Variants in RBPMS observed in about 807,000 individuals in gnomAD.
RBPMS encodes RNA binding protein, mRNA processing factor, also known as RNA-binding protein with multiple splicing.
Under a neutral mutation model 26.8 loss-of-function variants are expected in RBPMS, and 7 were observed. That is an observed-to-expected ratio of 0.26 (90% CI 0.15 to 0.49). The LOEUF (loss-of-function observed/expected upper bound fraction) is 0.49. Among genes scored for constraint, RBPMS ranks in the 20% least tolerant of loss-of-function variants. RBPMS has a pLI of 0.98. For missense variants in RBPMS, 186 were observed against 250.0 expected (o/e 0.74, Z 1.73); for synonymous variants, 96 against 93.3 (o/e 1.03, Z -0.17).
intron 1 of RBPMS, among the ~76,000 whole-genome samples, chr8:30,438,273 A>G (rs1812694434): frequency 6.6e-6 from 1 of 152,150 alleles, no homozygotes; most frequent in Admixed American, 6.5e-5. Flanking sequence ...TTTACTTTCC[A>G]TGTTTTAGGT....
intron 1 of RBPMS, among the ~76,000 whole-genome samples, chr8:30,435,704 A>G (rs1323116466): frequency 6.6e-6 from 1 of 152,192 alleles, no homozygotes; most frequent in Non-Finnish European, 1.5e-5. Context: ...GGATGGGTCA[A>G]TGGAGTGATG....
intron 1 of RBPMS, among the ~76,000 whole-genome samples, chr8:30,443,618 A>G (rs1813383604): frequency 2.6e-5 from 4 of 151,944 alleles, no homozygotes. Context: ...TTTTTAAGAC[A>G]AAGTCTCGCT....
intron 1 of RBPMS, among the ~76,000 whole-genome samples, chr8:30,467,949 A>G (rs549586342): frequency 6.6e-6 from 1 of 152,208 alleles, no homozygotes; most frequent in South Asian, 2.1e-4. Flanking sequence ...CTCCACTATT[A>G]ACATATAGAT....
intron 1 of RBPMS, among the ~76,000 whole-genome samples, chr8:30,447,693 C>T (rs112676057): frequency 6.6e-6 from 1 of 152,008 alleles, no homozygotes; most frequent in African/African-American, 2.4e-5. Context: ...AGAAAGTAAA[C>T]GTCTATTCAA....
chr8:30,510,887 A>G (rs1006658672), intron 5 of RBPMS, among the ~76,000 whole-genome samples: 2 of 152,024 alleles, frequency 1.3e-5, no homozygotes, highest in African/African-American at 4.8e-5. Context: ...GAAGTAGCCC[A>G]TGGGTGCTGA....
chr8:30,544,424 G>A, intron 5 of RBPMS, 70 bp from the exon 6 acceptor site: 1 of 1,456,636 alleles, frequency 6.9e-7, no homozygotes, highest in Non-Finnish European at 9.6e-7. Flanking sequence ...GGGTTGTTGG[G>A]TGTTTTGTTT....
At chr8:30,470,422 A>G (rs754780137) in intron 1 of RBPMS, among the ~76,000 whole-genome samples, 2 of 152,090 alleles carry the variant, frequency 1.3e-5, no homozygotes, top group Non-Finnish European at 2.9e-5. Flanking sequence ...CAGTCACCAT[A>G]GAAAAGCATG....
intron 1 of RBPMS, among the ~76,000 whole-genome samples, chr8:30,450,787 C>CAAAGAAAAAA (rs1814480331): frequency 1.1e-5 from 1 of 87,384 alleles, no homozygotes; most frequent in African/African-American, 4.4e-5. Context: ...TGCCTGAAAG[C>CAAAGAAAAAA]AAAAAAAAAA....
intron 6 of RBPMS, chr8:30,556,111 C>G (rs574090522): frequency 1.1e-5 from 11 of 985,390 alleles, no homozygotes; most frequent in African/African-American, 1.0e-4. Context: ...AAGAGCCCCC[C>G]ACTTGGCAAG....
intron 1 of RBPMS, among the ~76,000 whole-genome samples, chr8:30,413,333 A>G (rs1809671131): frequency 6.6e-6 from 1 of 152,114 alleles, no homozygotes; most frequent in Non-Finnish European, 1.5e-5. Context: ...GGCCTCCCAA[A>G]GTTCTGGGAT....
At chr8:30,412,474 G>C (rs1047522045) in intron 1 of RBPMS, among the ~76,000 whole-genome samples, 1 of 150,108 alleles carries the variant, frequency 6.7e-6, no homozygotes, top group Non-Finnish European at 1.5e-5. Context: ...AATTATTAGT[G>C]TCAGTCTCGC....
chr8:30,466,317 G>A (rs1268239823), intron 1 of RBPMS, among the ~76,000 whole-genome samples: 1 of 152,288 alleles, frequency 6.6e-6, no homozygotes, highest in African/African-American at 2.4e-5. Context: ...GTAGGCTAAG[G>A]TATGAAGATC....
chr8:30,536,718 T>C (rs893209317), intron 5 of RBPMS, among the ~76,000 whole-genome samples: 1 of 152,226 alleles, frequency 6.6e-6, no homozygotes, highest in African/African-American at 2.4e-5. Context: ...AACACTTTTT[T>C]TATGTTAGAA....
rs1828279818 is a variant in RBPMS at position 30,572,179 on chromosome 8, CT to C, written c.*1655del. 1 of 152,180 alleles carries C rather than the reference CT, an allele frequency of 6.6e-6. No individual in the cohort carries two copies. The highest frequency in any genetic ancestry group is 1.5e-5 in the Non-Finnish European group (1 of 68,036). 9.4% of individuals were successfully genotyped at this position (152,180 alleles called of 1,614,324 possible). Reference sequence around the variant, plus strand: ...TAAGGAAAATAGCCACTTCTGCAGTCTATTATGCTTTTATAACTGTTTAAAG... The same window carrying C: ...TAAGGAAAATAGCCACTTCTGCAGTCATTATGCTTTTATAACTGTTTAAAG... On this transcript the variant is annotated 3_prime_UTR_variant, in exon 9 of 9. Transcript: ENST00000397323.
intron 1 of RBPMS, among the ~76,000 whole-genome samples, chr8:30,432,792 T>A (rs1812072179): frequency 7.0e-6 from 1 of 143,872 alleles, no homozygotes; most frequent in Non-Finnish European, 1.5e-5. Flanking sequence ...CTTGTTCTTG[T>A]TAGAACAAGG....
In RBPMS at chr8:30,425,133, T is replaced by G. The variant is rs1469571375; in HGVS notation, c.66+39975T>G. Reference sequence around the variant, plus strand: ...ACCACGCCCAACTAATTTTCTGTAGTTTTTGTAGCGACAAAGTCTCACTAT... The same window carrying G: ...ACCACGCCCAACTAATTTTCTGTAGGTTTTGTAGCGACAAAGTCTCACTAT... On this transcript the variant is annotated intron_variant, in intron 1 of 8. Coordinates refer to ENST00000397323, the MANE Select transcript of RBPMS (RefSeq NM_001008710.3). 2.6e-5 allele frequency among the ~76,000 whole-genome samples: 4 copies of G among 151,990 alleles called. 1 individual carries two copies. The highest frequency in any genetic ancestry group is 2.0e-4 in the Admixed American group (3 of 15,254).
chr8:30,551,632 C>T, intron 6 of RBPMS, among the ~76,000 whole-genome samples: 1 of 152,166 alleles, frequency 6.6e-6, no homozygotes, highest in Non-Finnish European at 1.5e-5. Context: ...AGAGCCCAAC[C>T]CTGAGTCCCA....
chr8:30,562,317 C>T (rs1406773567), intron 7 of RBPMS, among the ~76,000 whole-genome samples: 5 of 118,926 alleles, frequency 4.2e-5, no homozygotes, highest in African/African-American at 1.6e-4. Flanking sequence ...GGCGACAGAG[C>T]AAGACTGTCG....
chr8:30,473,280 C>T (rs1817336818), intron 1 of RBPMS, among the ~76,000 whole-genome samples: 1 of 152,164 alleles, frequency 6.6e-6, no homozygotes, highest in Non-Finnish European at 1.5e-5. Context: ...TCTTAGGGAT[C>T]CCACCTCATC....
Sources: gnomAD v4.1 joint callset for allele counts (sites outside exome capture counted in the v4.1 genomes callset) on GRCh38, gnomAD v4.1.1 for gene constraint, MANE v1.5 for transcripts, NCBI Gene and HGNC (gene_info 2026-07-23, HGNC 2026-07-21) for gene names.